The following CD5 variants were observed in gnomAD, a reference collection of about 807,000 sequenced individuals.
CD5 encodes the protein CD5 molecule, also known as T-cell surface glycoprotein CD5.
A neutral mutation model predicts 60.3 loss-of-function variants in CD5; 36 were observed. That is an observed-to-expected ratio of 0.60 (90% CI 0.46 to 0.79). The LOEUF (loss-of-function observed/expected upper bound fraction) is 0.79. CD5 is among the 30% of genes least tolerant of loss of function. The probability of loss-of-function intolerance (pLI) is 0.00; values close to 1 mark genes in which losing one functional copy is unlikely to be tolerated. For synonymous variants in CD5, 230 were observed against 257.6 expected (o/e 0.89, Z 1.03); for missense variants, 540 against 630.6 (o/e 0.86, Z 1.54).
intron 1 of CD5, among the ~76,000 whole-genome samples, chr11:61,109,249 T>C (rs1181015887): frequency 6.6e-6 from 1 of 152,236 alleles, no homozygotes; most frequent in Non-Finnish European, 1.5e-5. Context: ...CCTGAACGAA[T>C]GGGAGGCTAT....
At chr11:61,120,395 G>A (rs1264326695) in intron 5 of CD5, among the ~76,000 whole-genome samples, 1 of 152,132 alleles carries the variant, frequency 6.6e-6, no homozygotes, top group African/African-American at 2.4e-5. Flanking sequence ...TTTTTCACAT[G>A]GCCTTAGGAG....
At chr11:61,122,043 G>A in intron 6 of CD5, 139 bp downstream of exon 6, 5 of 666,254 alleles carry the variant, frequency 7.5e-6, no homozygotes, top group Non-Finnish European at 6.9e-6. Flanking sequence ...TGGAGACAGG[G>A]AAATTGGAAG....
upstream of CD5, among the ~76,000 whole-genome samples, chr11:61,100,604 A>ACATT (rs1252580223): frequency 1.2e-5 from 1 of 81,738 alleles, no homozygotes. Context: ...CATGGAGATC[A>ACATT]CACACACAAC....
chr11:61,119,126 C>G, intron 4 of CD5, 108 bp from the exon 5 acceptor site: 2 of 1,218,654 alleles, frequency 1.6e-6, no homozygotes, highest in Non-Finnish European at 1.2e-6. Flanking sequence ...CCTCCCAAGG[C>G]TAAGCGTTAG....
chr11:61,094,171 C>T, the CD5 span, among the ~76,000 whole-genome samples: 7 of 151,936 alleles, frequency 4.6e-5, no homozygotes, highest in South Asian at 2.1e-4. Context: ...TTGAGCGACA[C>T]GGATCCTCAG....
intron 5 of CD5, among the ~76,000 whole-genome samples, chr11:61,120,875 C>T (rs148257691): frequency 2.9e-4 from 44 of 152,340 alleles, no homozygotes; most frequent in African/African-American, 1.0e-3. Context: ...AAAACCATAC[C>T]CAGGGTTCTT....
At chr11:61,114,035 C>T (rs929224767) in intron 1 of CD5, among the ~76,000 whole-genome samples, 29 of 151,938 alleles carry the variant, frequency 1.9e-4, no homozygotes, top group African/African-American at 5.8e-4. Context: ...TGGAAACATG[C>T]GGGACATTTT....
upstream of CD5, chr11:61,102,407 G>A (rs1860706181): frequency 1.6e-6 from 1 of 611,222 alleles, no homozygotes; most frequent in Admixed American, 2.8e-5. Context: ...CTTCAAACAT[G>A]GGTGACGCAG....
chr11:61,125,640 G>C, intron 9 of CD5, 111 bp from the exon 10 acceptor site: 1 of 633,802 alleles, frequency 1.6e-6, no homozygotes, highest in Non-Finnish European at 2.7e-6. Flanking sequence ...GGTTGTCACC[G>C]GCTCATAAAG....
chr11:61,122,246 G>A lies in CD5; in HGVS notation c.1099+342G>A, dbSNP rs540900933. 9.1e-5 allele frequency among the ~76,000 whole-genome samples: 13 copies of A among 143,386 alleles called. No homozygotes were observed. The South Asian group carries it at 1.3e-3, about 15-fold the overall frequency. 94.1% of individuals were successfully genotyped at this position (143,386 alleles called of 152,430 possible). On this transcript the variant is annotated intron_variant, in intron 6 of 10. Coordinates refer to ENST00000347785, the MANE Select transcript of CD5 (RefSeq NM_014207.4). ...TTTGCTACATGAATGGTAACTAAAC[G>A]GGAAGTAAAAGAGAGAAATGGATGG...
the CD5 span, among the ~76,000 whole-genome samples, chr11:61,096,666 C>T: frequency 6.6e-6 from 1 of 152,198 alleles, no homozygotes; most frequent in Non-Finnish European, 1.5e-5. Flanking sequence ...CTCTTTACAG[C>T]TAAAGTTACC....
intron 8 of CD5, among the ~76,000 whole-genome samples, chr11:61,124,456 C>T (rs1184157073): frequency 6.6e-6 from 1 of 152,182 alleles, no homozygotes; most frequent in East Asian, 1.9e-4. Flanking sequence ...CATCATGGAA[C>T]AACTTACAGG....
At chr11:61,115,915 G>A (rs1482390835) in intron 2 of CD5, among the ~76,000 whole-genome samples, 3 of 152,222 alleles carry the variant, frequency 2.0e-5, no homozygotes, top group African/African-American at 4.8e-5. Flanking sequence ...TTCCCCAGCT[G>A]TGAAATGGGA....
the CD5 span, among the ~76,000 whole-genome samples, chr11:61,094,181 G>A: frequency 6.6e-6 from 1 of 151,784 alleles, no homozygotes; most frequent in African/African-American, 2.4e-5. Context: ...CGGATCCTCA[G>A]AGCGCTCCCA....
chr11:61,122,354 C>T (rs140130588), intron 6 of CD5, among the ~76,000 whole-genome samples: 11,989 of 74,442 alleles, frequency 0.16, 738 homozygotes, highest in African/African-American at 0.2. Flanking sequence ...ATGGATGGAT[C>T]GGTGGGTGGG....
intron 6 of CD5, 114 bp downstream of exon 6, chr11:61,122,018 G>A: frequency 2.2e-6 from 2 of 916,926 alleles, no homozygotes; most frequent in South Asian, 5.3e-5. Flanking sequence ...GAGAGTCCCA[G>A]AGACCCAGAA....
chr11:61,101,803 A>T (rs1860695527), upstream of CD5, among the ~76,000 whole-genome samples: 1 of 151,216 alleles, frequency 6.6e-6, no homozygotes. Flanking sequence ...GATCACACAC[A>T]CTCAACATGG....
chr11:61,095,427 C>A, the CD5 span, among the ~76,000 whole-genome samples: 4 of 152,158 alleles, frequency 2.6e-5, no homozygotes, highest in African/African-American at 9.7e-5. Context: ...AAATAATACT[C>A]CATCTTACAC....
chr11:61,123,801 G>GCCCAGC (rs1861104213), intron 7 of CD5, 83 bp from the exon 8 acceptor site: 3 of 755,740 alleles, frequency 4.0e-6, no homozygotes, highest in Admixed American at 2.1e-5. Context: ...TCCCTCCCAG[G>GCCCAGC]CCCAGCCCCA....
Sources: allele counts gnomAD v4.1 joint callset (sites outside exome capture counted in the v4.1 genomes callset), GRCh38; gene constraint gnomAD v4.1.1; transcripts MANE v1.5; gene names NCBI Gene and HGNC (gene_info 2026-07-23, HGNC 2026-07-21).